Variants in HECTD2 observed in about 807,000 individuals in gnomAD.
HECTD2 encodes HECT domain E3 ubiquitin protein ligase 2.
In HECTD2, 35 loss-of-function variants were observed where a neutral mutation model predicts 103.2. The observed-to-expected ratio is 0.34, with a 90% CI of 0.26 to 0.45. The LOEUF (loss-of-function observed/expected upper bound fraction) is 0.45. HECTD2 is among the 20% of genes least tolerant of loss of function. The pLI, the probability that HECTD2 is intolerant of heterozygous loss-of-function variation, is 1.00. For missense variants in HECTD2, 596 were observed against 937.4 expected (o/e 0.64, Z 4.76); for synonymous variants, 281 against 329.9 (o/e 0.85, Z 1.61).
At position 91,513,586 on chromosome 10, in the gene HECTD2, T is replaced by C. The variant is rs985401812; in HGVS notation, c.*1202T>C. The C allele has an allele frequency of 6.6e-6, 1 of 152,624 alleles. No homozygotes were observed. Among genetic ancestry groups the C allele is most frequent in the Admixed American group, 6.6e-5 (1 of 15,264 alleles). 9.5% of individuals were successfully genotyped at this position (152,624 alleles called of 1,614,324 possible). On this transcript the variant is annotated 3_prime_UTR_variant, in exon 21 of 21. Coordinates refer to ENST00000298068, the MANE Select transcript of HECTD2 (RefSeq NM_182765.6). Reference sequence around the variant, plus strand: ...CAGACAGTAAATGTTTTTTTTAATTTACAGCAAATGAAGCAGTTTTATTAG... The same window carrying C: ...CAGACAGTAAATGTTTTTTTTAATTCACAGCAAATGAAGCAGTTTTATTAG...
At chr10:91,501,106 C>A in intron 19 of HECTD2, 85 bp from the exon 20 acceptor site, 3 of 1,158,430 alleles carry the variant, frequency 2.6e-6, no homozygotes, top group African/African-American at 1.6e-5. Flanking sequence ...TAAGGAAAGT[C>A]CTTTCCTTAG....
chr10:91,428,188 G>C (rs1431505225), intron 2 of HECTD2, among the ~76,000 whole-genome samples: 44 of 151,614 alleles, frequency 2.9e-4, no homozygotes, highest in African/African-American at 1.0e-3. Context: ...GATAGTTGTA[G>C]ATATGTGGCG....
At chr10:91,472,667 A>G (rs2133245026) in intron 5 of HECTD2, among the ~76,000 whole-genome samples, 1 of 152,348 alleles carries the variant, frequency 6.6e-6, no homozygotes, top group South Asian at 2.1e-4. Context: ...TCAAAAGAAG[A>G]CATACATGTG....
At chr10:91,409,237 C>G (rs1373848541), upstream of HECTD2, 1 of 152,074 alleles carries the variant, frequency 6.6e-6, no homozygotes, top group Non-Finnish European at 1.5e-5. Flanking sequence ...GTGTCCCCGC[C>G]GCTCCAGTAG....
At chr10:91,490,885 C>T (rs1278668684) in intron 11 of HECTD2, among the ~76,000 whole-genome samples, 5 of 103,138 alleles carry the variant, frequency 4.8e-5, no homozygotes, top group South Asian at 3.0e-4. Flanking sequence ...AGTGAGACTC[C>T]GTCTCAAAAA....
chr10:91,458,022 C>CA (rs780908138), intron 2 of HECTD2, among the ~76,000 whole-genome samples: 7,766 of 65,886 alleles, frequency 0.12, 284 homozygotes, highest in Admixed American at 0.19. Context: ...ATTGTCTATG[C>CA]AAAAAAAAAA....
intron 1 of HECTD2, among the ~76,000 whole-genome samples, chr10:91,418,567 T>C (rs1286679784): frequency 6.6e-6 from 1 of 152,156 alleles, no homozygotes; most frequent in African/African-American, 2.4e-5. Context: ...GGAGGGAAGT[T>C]TGTACCTTGA....
Position 91,487,451 on chromosome 10 carries a change from T to A in HECTD2, c.1095-231T>A. ...AAGTGGTTAGCACACATTCAGAACC[T>A]TTGATGTAGCTTCTGCAGAGAATAA... On this transcript the variant is annotated intron_variant, in intron 10 of 20. Transcript: ENST00000298068. The surrounding 1 kb of genome is among the most constrained non-coding windows in gnomAD (Gnocchi z 4.1). The A allele has an allele frequency of 1.9e-6, 1 of 515,090 alleles. No individual in the cohort carries two copies. The highest frequency in any genetic ancestry group is 2.0e-5 in the South Asian group (1 of 51,014). 31.9% of individuals were successfully genotyped at this position (515,090 alleles called of 1,614,324 possible).
intron 2 of HECTD2, among the ~76,000 whole-genome samples, chr10:91,451,908 TG>T (rs1844847306): frequency 1.3e-5 from 2 of 152,122 alleles, no homozygotes. Flanking sequence ...ATTCTATATA[TG>T]TATATTTCAT....
chr10:91,504,263 C>T (rs1222271384), intron 20 of HECTD2, among the ~76,000 whole-genome samples: 1 of 152,154 alleles, frequency 6.6e-6, no homozygotes, highest in Non-Finnish European at 1.5e-5. Context: ...AGCAACAGAA[C>T]AAAGCTGGAC....
chr10:91,438,004 A>G (rs1319719658), intron 2 of HECTD2, among the ~76,000 whole-genome samples: 4 of 152,068 alleles, frequency 2.6e-5, no homozygotes. Context: ...AGTTGCTGTG[A>G]GTAAACCTAT....
intron 1 of HECTD2, among the ~76,000 whole-genome samples, chr10:91,420,924 A>C (rs933813701): frequency 6.6e-6 from 1 of 152,202 alleles, no homozygotes; most frequent in Admixed American, 6.5e-5. Flanking sequence ...CACAAAGAAT[A>C]ACAGCAATGC....
intron 2 of HECTD2, among the ~76,000 whole-genome samples, chr10:91,441,843 G>C (rs1844397612): frequency 7.8e-6 from 1 of 128,760 alleles, no homozygotes. Context: ...GATCTTTGTT[G>C]GTTTAAAGTC....
Position 91,460,366 on chromosome 10 carries a change from A to T in HECTD2, c.269-61A>T. The T allele has an allele frequency of 4.7e-6, 6 of 1,271,060 alleles. 1 individual carries two copies. The highest frequency in any genetic ancestry group is 6.5e-6 in the Non-Finnish European group (6 of 920,156). 78.7% of individuals were successfully genotyped at this position (1,271,060 alleles called of 1,614,324 possible). On this transcript the variant is annotated intron_variant, in intron 2 of 20. Coordinates refer to ENST00000298068, the MANE Select transcript of HECTD2 (RefSeq NM_182765.6). Reference sequence around the variant, plus strand: ...TCTGTTCATGTTGAATTAATCTTGTATTTTATAATTTTGAAAAGTTTAATG... The same window carrying T: ...TCTGTTCATGTTGAATTAATCTTGTTTTTTATAATTTTGAAAAGTTTAATG...
intron 5 of HECTD2, among the ~76,000 whole-genome samples, chr10:91,470,684 C>T (rs1845691383): frequency 6.6e-6 from 1 of 151,770 alleles, no homozygotes; most frequent in East Asian, 1.9e-4. Context: ...AAGAAATAAC[C>T]AAAATCGGAG....
At chr10:91,441,906 TTCTTTTTTTTTTGCTTTCC>T (rs1844407465) in intron 2 of HECTD2, among the ~76,000 whole-genome samples, 1 of 127,038 alleles carries the variant, frequency 7.9e-6, no homozygotes, top group Non-Finnish European at 1.5e-5. Flanking sequence ...TTTTTTTTTT[TTCTTTTTTTTTTGCTTTCC>T]ATTTGTGTGG....
At chr10:91,457,156 A>C (rs1845137987) in intron 2 of HECTD2, among the ~76,000 whole-genome samples, 1 of 152,124 alleles carries the variant, frequency 6.6e-6, no homozygotes, top group South Asian at 2.1e-4. Context: ...ATAACCACTA[A>C]GGATTTCTAG....
At chr10:91,492,574 T>A in intron 13 of HECTD2, 90 bp downstream of exon 13, 1 of 978,910 alleles carries the variant, frequency 1.0e-6, no homozygotes, top group Non-Finnish European at 1.6e-6. Flanking sequence ...ATTCTGTGAT[T>A]TTACAGACTT....
At chr10:91,467,956 C>T (rs1845589218) in intron 5 of HECTD2, among the ~76,000 whole-genome samples, 1 of 152,108 alleles carries the variant, frequency 6.6e-6, no homozygotes, top group Non-Finnish European at 1.5e-5. Context: ...CCCACCAGCA[C>T]CCCACACCTA....
Sources: allele counts gnomAD v4.1 joint callset (sites outside exome capture counted in the v4.1 genomes callset), GRCh38; gene constraint gnomAD v4.1.1; non-coding constraint Gnocchi (gnomAD v3.1); transcripts MANE v1.5; gene names NCBI Gene and HGNC (gene_info 2026-07-23, HGNC 2026-07-21).